Variants in C7orf33 observed in about 807,000 individuals in gnomAD.
The protein encoded by C7orf33 is chromosome 7 open reading frame 33, also known as uncharacterized protein C7orf33.
Under a neutral mutation model 13.4 loss-of-function variants are expected in C7orf33, and 15 were observed. That is an observed-to-expected ratio of 1.12 (90% confidence interval 0.75 to 1.72). The LOEUF (loss-of-function observed/expected upper bound fraction) is 1.72, where lower values mean the gene tolerates loss of function less well. Among genes scored for constraint, C7orf33 ranks in the 40% most tolerant of loss-of-function variants. The probability of loss-of-function intolerance (pLI) is 0.00; values close to 1 mark genes in which losing one functional copy is unlikely to be tolerated. For missense variants in C7orf33, 187 were observed against 220.3 expected, an observed-to-expected ratio of 0.85 and a Z score of 0.96; for synonymous variants, 73 against 83.2, an observed-to-expected ratio of 0.88 and a Z score of 0.67.
intron 1 of C7orf33, among the ~76,000 whole-genome samples, chr7:148,593,394 C>T (rs962489514): frequency 2.0e-5 from 3 of 152,170 alleles, no homozygotes; most frequent in Admixed American, 6.5e-5. Context: ...TCCCAAGTAG[C>T]GGGAATTACA....
intron 1 of C7orf33, among the ~76,000 whole-genome samples, chr7:148,613,325 A>G (rs1048175613): frequency 2.6e-5 from 4 of 152,256 alleles, no homozygotes; most frequent in African/African-American, 9.6e-5. Flanking sequence ...TACTCAAGAA[A>G]GTGAAAATAT....
At chr7:148,607,363 G>A (rs550910054) in intron 1 of C7orf33, among the ~76,000 whole-genome samples, 30 of 152,162 alleles carry the variant, frequency 2.0e-4, no homozygotes, top group Non-Finnish European at 3.7e-4. Flanking sequence ...CTGCATTTAA[G>A]CAAATGGAGG....
At chr7:148,592,835 CT>C (rs1242859631) in intron 1 of C7orf33, among the ~76,000 whole-genome samples, 2 of 151,714 alleles carry the variant, frequency 1.3e-5, no homozygotes, top group African/African-American at 4.8e-5. Flanking sequence ...TGATTTAAAT[CT>C]TTTTTTTATT....
At chr7:148,603,230 C>T (rs925216538) in intron 1 of C7orf33, among the ~76,000 whole-genome samples, 4 of 152,096 alleles carry the variant, frequency 2.6e-5, no homozygotes, top group Non-Finnish European at 4.4e-5. Flanking sequence ...AAGGGTCTTG[C>T]TCAGGATGGG....
intron 1 of C7orf33, among the ~76,000 whole-genome samples, chr7:148,608,928 T>C (rs12704039): frequency 0.47 from 71,796 of 151,974 alleles, 18,233 homozygotes; most frequent in East Asian, 0.69. Context: ...CATCAGGTCC[T>C]GCTAAGAATG....
Position 148,615,374 on chromosome 7 carries a change from A to G in C7orf33, c.507A>G (p.Thr169=), listed in dbSNP as rs762627175. The stretch of plus-strand genomic sequence containing the variant: ...AGCTCCAGAATTCTGTTGAGGCCAC[A>G]AGGATTTCCAGAACTGACAGCAGTT... ...VRKLQNSVEA[T]RISRTDSS Residue 169 remains threonine, a synonymous_variant, in exon 3 of 3, where the codon ACA becomes ACG. Transcript: ENST00000307003. 1 of 1,613,392 alleles carries G rather than the reference A, an allele frequency of 6.2e-7. No homozygotes were observed. Among genetic ancestry groups the G allele is most frequent in the South Asian group, 1.1e-5 (1 of 91,064 alleles).
intron 1 of C7orf33, among the ~76,000 whole-genome samples, chr7:148,611,226 TCAAG>T (rs1395682372): frequency 6.6e-6 from 1 of 152,080 alleles, no homozygotes; most frequent in Non-Finnish European, 1.5e-5. Flanking sequence ...GGCTCCACCC[TCAAG>T]CCTGTGCCAC....
intron 1 of C7orf33, among the ~76,000 whole-genome samples, chr7:148,597,381 A>G (rs1316313133): frequency 6.6e-6 from 1 of 152,060 alleles, no homozygotes; most frequent in Admixed American, 6.5e-5. Context: ...TCCCGAGTTC[A>G]AGTAATTCTG....
At chr7:148,597,756 T>TTTG (rs1353354119) in intron 1 of C7orf33, among the ~76,000 whole-genome samples, 1 of 151,928 alleles carries the variant, frequency 6.6e-6, no homozygotes, top group East Asian at 1.9e-4. Context: ...TTTGTTTTGT[T>TTTG]TTGTTTTGTT....
chr7:148,614,673 T>G (rs77732947), intron 2 of C7orf33, among the ~76,000 whole-genome samples: 5,816 of 152,282 alleles, frequency 0.038, 192 homozygotes, highest in Admixed American at 0.094. Context: ...ATGGAGTCTC[T>G]ACAGGAAGCT....
At chr7:148,609,607 G>T (rs1389731858) in intron 1 of C7orf33, among the ~76,000 whole-genome samples, 1 of 152,114 alleles carries the variant, frequency 6.6e-6, no homozygotes, top group Non-Finnish European at 1.5e-5. Flanking sequence ...ATAACAACTG[G>T]ACTTTCTCTC....
At chr7:148,595,454 T>A (rs1197536898) in intron 1 of C7orf33, among the ~76,000 whole-genome samples, 2 of 128,804 alleles carry the variant, frequency 1.6e-5, no homozygotes, top group Non-Finnish European at 3.1e-5. Context: ...ATATATATTA[T>A]ATAGCTATAT....
At chr7:148,598,707 A>T (rs1290907876) in intron 1 of C7orf33, among the ~76,000 whole-genome samples, 2 of 125,654 alleles carry the variant, frequency 1.6e-5, no homozygotes, top group African/African-American at 5.8e-5. Flanking sequence ...TATATATATA[A>T]AAAAAATTTC....
chr7:148,615,635 G>GTCACT lies in C7orf33; in HGVS notation c.*234_*235insTCACT. On this transcript the variant is annotated 3_prime_UTR_variant, in exon 3 of 3. Transcript: ENST00000307003. ...GTGTGGCATTTGTGCACTGGTGTGG[G>GTCACT]GCCCAGGAGAGGACCACGGAGTGAC... 2.3e-6 allele frequency: 1 copy of GTCACT among 431,778 alleles called. No individual in the cohort carries two copies. Among genetic ancestry groups the GTCACT allele is most frequent in the South Asian group, 2.3e-5 (1 of 42,732 alleles). 26.7% of individuals were successfully genotyped at this position (431,778 alleles called of 1,614,324 possible). A position where few individuals can be genotyped will look rare whatever the true frequency, so the allele number is the denominator to read the frequency against.
chr7:148,609,228 A>G (rs2116901538), intron 1 of C7orf33, among the ~76,000 whole-genome samples: 1 of 152,248 alleles, frequency 6.6e-6, no homozygotes, highest in East Asian at 1.9e-4. Flanking sequence ...AAAATGAGAT[A>G]TCATGTTTCA....
chr7:148,614,944 T>A (rs1796584300), intron 2 of C7orf33, among the ~76,000 whole-genome samples: 1 of 152,222 alleles, frequency 6.6e-6, no homozygotes, highest in Admixed American at 6.5e-5. Context: ...ATGCTAAAGT[T>A]CTAAGCAAAT....
Position 148,595,361 on chromosome 7 carries a change from CA to C in C7orf33, c.204+4235del, listed in dbSNP as rs551176613. Among the ~76,000 whole-genome samples the C allele has an allele frequency of 8.1e-3, 1,049 of 130,178 alleles. 13 individuals carry two copies. The highest frequency in any genetic ancestry group is 0.028 in the African/African-American group (977 of 34,520). The allele number at this position is 130,178 out of a possible 152,430, so 85.4% of individuals were successfully genotyped here. On this transcript the variant is annotated intron_variant, in intron 1 of 2. Transcript: ENST00000307003. ...ATAGATCTATATTATATAGATATAT[CA>C]AATATAATATAGATCTCTATTATAT...
chr7:148,591,840 C>A (rs1205517861), intron 1 of C7orf33, among the ~76,000 whole-genome samples: 1 of 152,114 alleles, frequency 6.6e-6, no homozygotes, highest in Non-Finnish European at 1.5e-5. Flanking sequence ...TTCAACATCC[C>A]GAAGTGCCAC....
Position 148,591,180 on chromosome 7 carries a change from T to C in C7orf33, c.204+51T>C, listed in dbSNP as rs1796265262. ...CAACTGCTCTTTGAGTCAGTCAGTA[T>C]CTCTTGAGAATTCATTCACTCAATC... is the stretch of plus-strand genomic sequence containing the variant. On this transcript the variant is annotated intron_variant, in intron 1 of 2. Transcript: ENST00000307003. 2.1e-6 allele frequency: 3 copies of C among 1,434,408 alleles called. No individual in the cohort carries two copies. In the Admixed American group the frequency reaches 5.1e-5, roughly 25 times the overall value. The allele number at this position is 1,434,408 out of a possible 1,614,324, so 88.9% of individuals were successfully genotyped here.
Sources: allele counts gnomAD v4.1 joint callset (sites outside exome capture counted in the v4.1 genomes callset), GRCh38; gene constraint gnomAD v4.1.1; transcripts MANE v1.5; gene names NCBI Gene and HGNC (gene_info 2026-07-23, HGNC 2026-07-21).